Variants in USP6NL observed in about 807,000 individuals in gnomAD.
The protein encoded by USP6NL is USP6 N-terminal like.
Under a neutral mutation model 61.9 loss-of-function variants are expected in USP6NL, and 26 were observed. The ratio of observed to expected loss-of-function variants is 0.42; its 90% CI spans 0.31 to 0.58. The LOEUF (loss-of-function observed/expected upper bound fraction) is 0.58, where lower values mean the gene tolerates loss of function less well. USP6NL is among the 20% of genes least tolerant of loss of function. The pLI, the probability that USP6NL is intolerant of heterozygous loss-of-function variation, is 0.16. For missense variants in USP6NL, 1,114 were observed against 1,034.3 expected (o/e 1.08, Z -1.06); for synonymous variants, 432 against 390.1 (o/e 1.11, Z -1.27).
rs986142068 is a variant in USP6NL at position 11,597,713 on chromosome 10, A to G, written c.-79T>C. Reference sequence around the variant, plus strand: ...TGTCCAAGGTTTCTCAGAGGAATACATGTCCTAGTCAGGAAACAAAGAGAA... The same window carrying G: ...TGTCCAAGGTTTCTCAGAGGAATACGTGTCCTAGTCAGGAAACAAAGAGAA... On this transcript the variant is annotated 5_prime_UTR_variant, in exon 2 of 15. It removes an upstream start codon present in the reference 5' UTR. Transcript: ENST00000609104. The surrounding 1 kb of genome is among the most constrained non-coding windows in gnomAD (Gnocchi z 4.6). 4 of 1,126,956 alleles carry G rather than the reference A, an allele frequency of 3.5e-6. No individual in the cohort carries two copies. Among genetic ancestry groups the G allele is most frequent in the Non-Finnish European group, 5.3e-6 (4 of 760,330 alleles). 69.8% of individuals were successfully genotyped at this position (1,126,956 alleles called of 1,614,324 possible). A position where few individuals can be genotyped will look rare whatever the true frequency, so the allele number is the denominator to read the frequency against.
chr10:11,536,839 CT>C lies in USP6NL; in HGVS notation c.5-9273del, dbSNP rs527245279. On this transcript the variant is annotated intron_variant, in intron 2 of 14. Transcript: ENST00000609104. ...CCCATTTATCTCCATCTTGCTCCCC[CT>C]ATTAGCATATAATCTTAGAAAAATC... Among the ~76,000 whole-genome samples, 42 of 152,346 alleles carry C rather than the reference CT, an allele frequency of 2.8e-4. No individual in the cohort carries two copies. The East Asian group carries it at 8.1e-3, about 29-fold the overall frequency.
chr10:11,555,232 A>G (rs1016650024), intron 2 of USP6NL, among the ~76,000 whole-genome samples: 2 of 147,226 alleles, frequency 1.4e-5, no homozygotes, highest in Non-Finnish European at 3.0e-5. Context: ...CCTGGCCAAC[A>G]TGGCAAAACC....
intron 6 of USP6NL, among the ~76,000 whole-genome samples, chr10:11,506,977 T>C (rs1168925448): frequency 6.6e-6 from 1 of 152,224 alleles, no homozygotes; most frequent in African/African-American, 2.4e-5. Context: ...AGGTTCATTC[T>C]GTTTCACACC....
chr10:11,483,611 GAGA>G (rs1413048383), intron 13 of USP6NL, among the ~76,000 whole-genome samples: 3 of 15,928 alleles, frequency 1.9e-4, no homozygotes, highest in African/African-American at 2.5e-4. Flanking sequence ...GGGGGAGGGG[GAGA>G]GGGGGGGAGA....
chr10:11,543,479 T>C (rs1160562468), intron 2 of USP6NL, among the ~76,000 whole-genome samples: 3 of 151,932 alleles, frequency 2.0e-5, no homozygotes, highest in African/African-American at 7.3e-5. Flanking sequence ...GAGGCAGAGC[T>C]TGCAGTGAGC....
intron 2 of USP6NL, among the ~76,000 whole-genome samples, chr10:11,594,269 T>C (rs1180819975): frequency 6.6e-6 from 1 of 152,014 alleles, no homozygotes; most frequent in South Asian, 2.1e-4. Flanking sequence ...AATCATCAAA[T>C]GGACAAGAAA....
chr10:11,563,991 TTAGG>T (rs2133543970), intron 2 of USP6NL: 1 of 152,330 alleles, frequency 6.6e-6, no homozygotes, highest in East Asian at 1.9e-4. Flanking sequence ...TCAAATGTTC[TTAGG>T]TAGTCATTTA....
At chr10:11,473,524 G>A (rs963928185) in intron 14 of USP6NL, among the ~76,000 whole-genome samples, 66 of 152,204 alleles carry the variant, frequency 4.3e-4, no homozygotes, top group Admixed American at 6.5e-4. Context: ...GGCATCTGGG[G>A]AATGGTCGGG....
At chr10:11,522,454 T>A (rs934718027) in intron 4 of USP6NL, among the ~76,000 whole-genome samples, 7 of 152,194 alleles carry the variant, frequency 4.6e-5, no homozygotes, top group Admixed American at 1.3e-4. Context: ...TGACAAGCAA[T>A]AAAAACCACT....
chr10:11,486,480 C>A (rs1227332903), intron 10 of USP6NL, among the ~76,000 whole-genome samples: 1 of 152,012 alleles, frequency 6.6e-6, no homozygotes, highest in Non-Finnish European at 1.5e-5. Flanking sequence ...AGTGACTATA[C>A]AATATAATCT....
chr10:11,593,992 G>A (rs1364863020), intron 2 of USP6NL, among the ~76,000 whole-genome samples: 1 of 152,022 alleles, frequency 6.6e-6, no homozygotes, highest in Non-Finnish European at 1.5e-5. Context: ...AAAAATATTG[G>A]GGGGGAAAAA....
intron 14 of USP6NL, among the ~76,000 whole-genome samples, chr10:11,471,885 T>A (rs1832766939): frequency 6.7e-6 from 1 of 150,344 alleles, no homozygotes; most frequent in Non-Finnish European, 1.5e-5. Context: ...AAATGACGAG[T>A]TAATGGGTGC....
In USP6NL at chr10:11,463,737, C is replaced by A. The variant is rs374128834; in HGVS notation, c.1191G>T (p.Pro397=). ...CGCTCTCCCTCCTGCCGCTGGCCAG[C>A]GGGCTCGGCCGGCCCACGCTCCTCT... ...NGQRSVGRPS[P]LASGRRESGA... The change falls in exon 15 of 15, where the codon CCG becomes CCT. Residue 397 remains proline (P), a synonymous_variant. Coordinates refer to ENST00000609104, the MANE Select transcript of USP6NL (RefSeq NM_014688.5). The surrounding 1 kb of genome is among the most constrained non-coding windows in gnomAD (Gnocchi z 6.3). 7 of 1,599,030 alleles carry A rather than the reference C, an allele frequency of 4.4e-6. No homozygotes were observed. The highest frequency in any genetic ancestry group is 4.0e-5 in the African/African-American group (3 of 74,600).
chr10:11,593,229 A>T (rs1332978861), intron 2 of USP6NL, among the ~76,000 whole-genome samples: 1 of 152,276 alleles, frequency 6.6e-6, no homozygotes, highest in Non-Finnish European at 1.5e-5. Flanking sequence ...ATTTTAAAAC[A>T]GAGCAAATAA....
chr10:11,484,647 A>T (rs557054528), intron 13 of USP6NL, among the ~76,000 whole-genome samples: 1 of 152,210 alleles, frequency 6.6e-6, no homozygotes, highest in Non-Finnish European at 1.5e-5. Context: ...ACTGATGAAA[A>T]GGACAAGGGA....
Position 11,539,024 on chromosome 10 carries a change from G to A in USP6NL, c.5-11457C>T, listed in dbSNP as rs576543736. On this transcript the variant is annotated intron_variant, in intron 2 of 14. Transcript: ENST00000609104. Reference sequence around the variant, plus strand: ...TCAAGTCACGTGGAGGAAATGCAGCGAGGGCAGCGCTCCTGAACTCTCCCA... The same window carrying A: ...TCAAGTCACGTGGAGGAAATGCAGCAAGGGCAGCGCTCCTGAACTCTCCCA... Among the ~76,000 whole-genome samples, 11 of 152,296 alleles carry A rather than the reference G, an allele frequency of 7.2e-5. No homozygotes were observed. In the East Asian group the frequency reaches 9.6e-4, roughly 13 times the overall value.
At chr10:11,605,908 A>G (rs1021773957) in intron 1 of USP6NL, among the ~76,000 whole-genome samples, 3 of 152,178 alleles carry the variant, frequency 2.0e-5, no homozygotes, top group Non-Finnish European at 4.4e-5. Context: ...TGTATAACTG[A>G]GCTCCCAGAA....
intron 14 of USP6NL, among the ~76,000 whole-genome samples, chr10:11,472,522 C>T (rs866293929): frequency 2.0e-5 from 3 of 152,192 alleles, no homozygotes; most frequent in Non-Finnish European, 4.4e-5. Context: ...TAACAGTTTT[C>T]GGGAAGAATC....
Position 11,610,847 on chromosome 10 carries a change from T to C in USP6NL, c.-84+596A>G, listed in dbSNP as rs1838865767. On this transcript the variant is annotated intron_variant, in intron 1 of 14. Transcript: ENST00000609104. ...CCCATGGATTCCTACGCGTCCCGCATTTTCTAGCAGTAAAACACCTGCGAG... is the reference window on the plus strand; with the variant it reads ...CCCATGGATTCCTACGCGTCCCGCACTTTCTAGCAGTAAAACACCTGCGAG... 2.6e-5 allele frequency among the ~76,000 whole-genome samples: 4 copies of C among 152,088 alleles called. No homozygotes were observed. In the South Asian group the frequency reaches 8.3e-4, roughly 32 times the overall value.
Sources: gnomAD v4.1 joint callset for allele counts (sites outside exome capture counted in the v4.1 genomes callset) on GRCh38, gnomAD v4.1.1 for gene constraint, Gnocchi (gnomAD v3.1) non-coding constraint, MANE v1.5 for transcripts, NCBI Gene and HGNC (gene_info 2026-07-23, HGNC 2026-07-21) for gene names.